PIGK: variants seen among roughly 807,000 people sequenced by gnomAD.
PIGK encodes phosphatidylinositol glycan anchor biosynthesis class K, also known as GPI-anchor transamidase.
In PIGK, 42 loss-of-function variants were observed where a neutral mutation model predicts 50.6. The ratio of observed to expected loss-of-function variants is 0.83; its 90% CI spans 0.65 to 1.07. The LOEUF is 1.07. Ranked by LOEUF, PIGK falls within the 50% of genes least tolerant of loss-of-function variation. The pLI, the probability that PIGK is intolerant of heterozygous loss-of-function variation, is 0.00. For missense variants in PIGK, 448 were observed against 488.7 expected (o/e 0.92, Z 0.78); for synonymous variants, 151 against 156.0 (o/e 0.97, Z 0.24).
intron 3 of PIGK, among the ~76,000 whole-genome samples, chr1:77,179,612 A>G (rs569351643): frequency 6.6e-6 from 1 of 152,136 alleles, no homozygotes; most frequent in South Asian, 2.1e-4. Context: ...TTCTCTATAA[A>G]TATTCTTCCA....
chr1:77,207,987 C>T (rs1656328417), intron 2 of PIGK, among the ~76,000 whole-genome samples: 1 of 151,874 alleles, frequency 6.6e-6, no homozygotes, highest in Non-Finnish European at 1.5e-5. Flanking sequence ...TTTGGGAGGC[C>T]AAGATGGAAG....
At chr1:77,167,880 A>T (rs1284782456) in intron 4 of PIGK, among the ~76,000 whole-genome samples, 1 of 152,252 alleles carries the variant, frequency 6.6e-6, no homozygotes, top group South Asian at 2.1e-4. Flanking sequence ...TCAATTATAG[A>T]TTAACCATGA....
At chr1:77,211,993 T>G (rs1656431847) in intron 1 of PIGK, among the ~76,000 whole-genome samples, 1 of 152,068 alleles carries the variant, frequency 6.6e-6, no homozygotes, top group Non-Finnish European at 1.5e-5. Context: ...TGTTAAAAAT[T>G]TCATTCAGTA....
chr1:77,144,844 T>C (rs758822017), intron 9 of PIGK, among the ~76,000 whole-genome samples: 32 of 151,934 alleles, frequency 2.1e-4, no homozygotes, highest in Non-Finnish European at 3.8e-4. Flanking sequence ...ACATCTAATT[T>C]CTGAAATTTC....
At chr1:77,166,589 G>GAA in intron 5 of PIGK, 130 bp downstream of exon 5, 1 of 557,022 alleles carries the variant, frequency 1.8e-6, no homozygotes, top group East Asian at 3.0e-5. Context: ...CTACATTATG[G>GAA]AAAATATAAC....
intron 9 of PIGK, among the ~76,000 whole-genome samples, chr1:77,152,266 A>C (rs1182569164): frequency 6.6e-6 from 1 of 152,166 alleles, no homozygotes; most frequent in Non-Finnish European, 1.5e-5. Flanking sequence ...CACTCTGTTT[A>C]ATAATCGTGC....
intron 8 of PIGK, among the ~76,000 whole-genome samples, chr1:77,156,370 A>G (rs574895374): frequency 7.9e-5 from 12 of 152,274 alleles, no homozygotes; most frequent in African/African-American, 2.9e-4. Flanking sequence ...TTCTTTTAAG[A>G]ATTTTTATCA....
At chr1:77,100,026 A>G (rs189203615) in intron 10 of PIGK, among the ~76,000 whole-genome samples, 2 of 152,340 alleles carry the variant, frequency 1.3e-5, no homozygotes, top group Admixed American at 1.3e-4. Flanking sequence ...TGTACTTCCA[A>G]TTGCGAATAG....
intron 10 of PIGK, among the ~76,000 whole-genome samples, chr1:77,117,957 C>T (rs1249399921): frequency 1.3e-5 from 2 of 152,130 alleles, no homozygotes; most frequent in Non-Finnish European, 2.9e-5. Context: ...ATCACTGCCT[C>T]AGGCATCACT....
At chr1:77,137,991 TC>T (rs1317135081) in intron 9 of PIGK, among the ~76,000 whole-genome samples, 1 of 152,252 alleles carries the variant, frequency 6.6e-6, no homozygotes, top group Non-Finnish European at 1.5e-5. Flanking sequence ...GGTCTAATTC[TC>T]CTGATTATTC....
chr1:77,149,263 A>C (rs2100548008), intron 9 of PIGK, among the ~76,000 whole-genome samples: 1 of 152,272 alleles, frequency 6.6e-6, no homozygotes, highest in East Asian at 1.9e-4. Flanking sequence ...ACTGAATATA[A>C]ATTGACTAAA....
chr1:77,173,780 C>T (rs1173597054), intron 3 of PIGK, among the ~76,000 whole-genome samples: 1 of 152,214 alleles, frequency 6.6e-6, no homozygotes, highest in African/African-American at 2.4e-5. Flanking sequence ...AAAGACGGCC[C>T]AGCAAGCTGG....
chr1:77,217,988 T>C (rs1490587213), intron 1 of PIGK, among the ~76,000 whole-genome samples: 2 of 152,210 alleles, frequency 1.3e-5, no homozygotes, highest in East Asian at 1.9e-4. Context: ...CATATTTATG[T>C]TCTCTAAAAA....
chr1:77,139,722 C>G (rs1181300041), intron 9 of PIGK, among the ~76,000 whole-genome samples: 1 of 152,198 alleles, frequency 6.6e-6, no homozygotes, highest in Non-Finnish European at 1.5e-5. Context: ...TACACACTTA[C>G]TTTCTTGGCA....
At chr1:77,210,377 A>T (rs1656389219) in intron 2 of PIGK, 59 bp downstream of exon 2, 1 of 987,522 alleles carries the variant, frequency 1.0e-6, no homozygotes, top group African/African-American at 1.7e-5. Context: ...TGATTCACAC[A>T]AATTTCTCAG....
At chr1:77,183,863 G>A (rs1191312606) in intron 3 of PIGK, among the ~76,000 whole-genome samples, 1 of 152,170 alleles carries the variant, frequency 6.6e-6, no homozygotes, top group Non-Finnish European at 1.5e-5. Context: ...GGATAGTGGA[G>A]TGGATTAGTC....
chr1:77,216,754 T>C (rs1288778908), intron 1 of PIGK, among the ~76,000 whole-genome samples: 1 of 152,114 alleles, frequency 6.6e-6, no homozygotes, highest in African/African-American at 2.4e-5. Context: ...TAAGCTAAAA[T>C]TTAGGTCCTA....
intron 10 of PIGK, among the ~76,000 whole-genome samples, chr1:77,103,021 T>C (rs1653583364): frequency 6.6e-6 from 1 of 152,184 alleles, no homozygotes; most frequent in Non-Finnish European, 1.5e-5. Context: ...GTTGTTTGTG[T>C]AAATGCCCTT....
chr1:77,110,099 A>G (rs981843116), intron 10 of PIGK, among the ~76,000 whole-genome samples: 2 of 152,098 alleles, frequency 1.3e-5, no homozygotes, highest in African/African-American at 4.8e-5. Context: ...CACTGCTCAA[A>G]GAAATAAAAG....
Sources: allele counts gnomAD v4.1 joint callset (sites outside exome capture counted in the v4.1 genomes callset), GRCh38; gene constraint gnomAD v4.1.1; transcripts MANE v1.5; gene names NCBI Gene and HGNC (gene_info 2026-07-23, HGNC 2026-07-21).